Variants in NKAIN2 observed in about 807,000 individuals in gnomAD.
NKAIN2 encodes sodium/potassium-transporting ATPase subunit beta-1-interacting protein 2.
In NKAIN2, 14 loss-of-function variants were observed where a neutral mutation model predicts 32.6. The ratio of observed to expected loss-of-function variants is 0.43; its 90% CI spans 0.28 to 0.67. The LOEUF (loss-of-function observed/expected upper bound fraction) is 0.67. Ranked by LOEUF, NKAIN2 falls within the 30% of genes least tolerant of loss-of-function variation. The probability of loss-of-function intolerance (pLI) is 0.17; values close to 1 mark genes in which losing one functional copy is unlikely to be tolerated. For synonymous variants in NKAIN2, 80 were observed against 87.2 expected (o/e 0.92, Z 0.46); for missense variants, 198 against 258.3 (o/e 0.77, Z 1.60).
chr6:124,422,605 A>G (rs1248612857), intron 3 of NKAIN2, among the ~76,000 whole-genome samples: 1 of 152,248 alleles, frequency 6.6e-6, no homozygotes, highest in Non-Finnish European at 1.5e-5. Context: ...CTAACTAATG[A>G]ATTAAATGGA....
intron 3 of NKAIN2, among the ~76,000 whole-genome samples, chr6:124,433,202 T>A (rs762597031): frequency 2.0e-5 from 3 of 152,180 alleles, no homozygotes; most frequent in Non-Finnish European, 1.5e-5. Flanking sequence ...TGAATTGGAC[T>A]GGGCCACTTT....
intron 3 of NKAIN2, among the ~76,000 whole-genome samples, chr6:124,380,651 G>A (rs1772595450): frequency 6.6e-6 from 1 of 152,128 alleles, no homozygotes; most frequent in Admixed American, 6.6e-5. Flanking sequence ...ATACTCTTTG[G>A]AGGGTCTGTG....
At chr6:124,596,801 A>T (rs112109377) in intron 3 of NKAIN2, among the ~76,000 whole-genome samples, 2,303 of 152,122 alleles carry the variant, frequency 0.015, 63 homozygotes, top group African/African-American at 0.053. Flanking sequence ...GAGATTTATT[A>T]TAAGGAATTG....
At chr6:124,377,751 G>A (rs747663354) in intron 3 of NKAIN2, among the ~76,000 whole-genome samples, 4 of 152,112 alleles carry the variant, frequency 2.6e-5, no homozygotes, top group Non-Finnish European at 4.4e-5. Context: ...TTTTAGCGTG[G>A]AATGACATAA....
At chr6:123,868,156 C>T (rs1029216926) in intron 1 of NKAIN2, among the ~76,000 whole-genome samples, 6 of 152,178 alleles carry the variant, frequency 3.9e-5, no homozygotes, top group Non-Finnish European at 5.9e-5. Context: ...GCGTGAGCCA[C>T]TGTGCCCAGC....
intron 3 of NKAIN2, among the ~76,000 whole-genome samples, chr6:124,544,129 G>A (rs1583416049): frequency 6.6e-6 from 1 of 152,136 alleles, no homozygotes; most frequent in Non-Finnish European, 1.5e-5. Flanking sequence ...ATGAAGTGGA[G>A]TTCATTTGCT....
At chr6:124,760,293 C>T (rs546421266) in intron 4 of NKAIN2, among the ~76,000 whole-genome samples, 1 of 151,630 alleles carries the variant, frequency 6.6e-6, no homozygotes, top group Non-Finnish European at 1.5e-5. Context: ...AAAAAAGTAA[C>T]TGTTGAATAC....
At chr6:124,242,136 G>T (rs1793136310) in intron 1 of NKAIN2, among the ~76,000 whole-genome samples, 1 of 152,250 alleles carries the variant, frequency 6.6e-6, no homozygotes, top group Non-Finnish European at 1.5e-5. Context: ...GAAAATGTTT[G>T]CAAACTATCC....
intron 1 of NKAIN2, among the ~76,000 whole-genome samples, chr6:123,827,880 T>C (rs1774212953): frequency 6.8e-6 from 1 of 148,016 alleles, no homozygotes; most frequent in Non-Finnish European, 1.5e-5. Context: ...GCAGTTCCTC[T>C]CTCTCTCTCT....
intron 1 of NKAIN2, among the ~76,000 whole-genome samples, chr6:124,275,431 C>G (rs1227849451): frequency 2.0e-5 from 3 of 151,386 alleles, no homozygotes; most frequent in African/African-American, 7.3e-5. Flanking sequence ...GAACTTATGC[C>G]AAATCTTCTC....
rs978782465 is a variant in NKAIN2 at position 124,565,931 on chromosome 6, C to T, written c.274-92255C>T. ...TCACATTCCTCATGATAAATAAAAA[C>T]CACTAAATTCAATACTAAACGTAGA... On this transcript the variant is annotated intron_variant, in intron 3 of 6. Coordinates refer to ENST00000368417, the MANE Select transcript of NKAIN2 (RefSeq NM_001040214.3). Among the ~76,000 whole-genome samples, 4 of 152,246 alleles carry T rather than the reference C, an allele frequency of 2.6e-5. No homozygotes were observed. The East Asian group carries it at 7.7e-4, about 29-fold the overall frequency.
intron 1 of NKAIN2, among the ~76,000 whole-genome samples, chr6:124,252,788 G>A (rs1388641337): frequency 1.3e-5 from 2 of 152,068 alleles, no homozygotes; most frequent in Non-Finnish European, 2.9e-5. Context: ...TTTTAGGCAA[G>A]TTACTTAGCA....
intron 3 of NKAIN2, among the ~76,000 whole-genome samples, chr6:124,421,369 T>G (rs576456524): frequency 6.6e-4 from 101 of 152,282 alleles, no homozygotes; most frequent in African/African-American, 2.2e-3. Context: ...TTAGTAGTGA[T>G]TACACGTGGA....
intron 1 of NKAIN2, among the ~76,000 whole-genome samples, chr6:124,224,020 G>T (rs948633807): frequency 2.0e-5 from 3 of 152,098 alleles, no homozygotes; most frequent in African/African-American, 7.2e-5. Context: ...AGGAATGTGG[G>T]ATTTCGAAGT....
intron 4 of NKAIN2, among the ~76,000 whole-genome samples, chr6:124,688,725 T>A (rs1275304276): frequency 1.3e-5 from 2 of 152,144 alleles, no homozygotes; most frequent in South Asian, 4.1e-4. Context: ...TAGTTGAAGT[T>A]ATATGTTGTC....
chr6:124,436,978 C>T (rs1775474990), intron 3 of NKAIN2, among the ~76,000 whole-genome samples: 1 of 152,168 alleles, frequency 6.6e-6, no homozygotes, highest in East Asian at 1.9e-4. Flanking sequence ...TTTCTACACT[C>T]CAGGCCCACA....
At chr6:124,539,417 A>G (rs1379095467) in intron 3 of NKAIN2, among the ~76,000 whole-genome samples, 1 of 151,972 alleles carries the variant, frequency 6.6e-6, no homozygotes, top group African/African-American at 2.4e-5. Flanking sequence ...ATTCATTCAT[A>G]CATGTATGCT....
chr6:124,347,673 C>T (rs57374493), intron 2 of NKAIN2, among the ~76,000 whole-genome samples: 2,445 of 152,276 alleles, frequency 0.016, 80 homozygotes, highest in African/African-American at 0.056. Context: ...CGAGCCTTGG[C>T]TTTCAGCTCC....
chr6:123,937,246 G>A (rs1776556345), intron 1 of NKAIN2, among the ~76,000 whole-genome samples: 1 of 152,058 alleles, frequency 6.6e-6, no homozygotes, highest in African/African-American at 2.4e-5. Flanking sequence ...TTAAAACCAT[G>A]CTTTGAGTTA....
Sources: gnomAD v4.1 joint callset for allele counts (sites outside exome capture counted in the v4.1 genomes callset) on GRCh38, gnomAD v4.1.1 for gene constraint, MANE v1.5 for transcripts, NCBI Gene and HGNC (gene_info 2026-07-23, HGNC 2026-07-21) for gene names.